ARL15: variants seen among roughly 807,000 people sequenced by gnomAD.
The protein encoded by ARL15 is ADP-ribosylation factor-like protein 15.
A neutral mutation model predicts 25.2 loss-of-function variants in ARL15; 19 were observed. The ratio of observed to expected loss-of-function variants is 0.75; its 90% CI spans 0.53 to 1.10. ARL15 has a LOEUF of 1.10. ARL15 is among the 50% of genes least tolerant of loss of function. ARL15 has a pLI of 0.00. For synonymous variants in ARL15, 94 were observed against 86.8 expected, an observed-to-expected ratio of 1.08 and a Z score of -0.46; for missense variants, 220 against 246.0, an observed-to-expected ratio of 0.89 and a Z score of 0.71.
rs549103875 is a variant in ARL15, at chr5:54,204,037, T to C, written c.49-32109A>G. On this transcript the variant is annotated intron_variant, in intron 1 of 4. Coordinates refer to ENST00000504924, the MANE Select transcript of ARL15 (RefSeq NM_019087.3). ...TTTTTGTTTGTTTTTAATATTATGG[T>C]TCTATAAAATCCAAAAATCTGGAAG... is the stretch of plus-strand genomic sequence containing the variant. Among the ~76,000 whole-genome samples the C allele has an allele frequency of 2.5e-3, 375 of 152,242 alleles. 3 individuals carry two copies. The highest frequency in any genetic ancestry group is 7.7e-3 in the South Asian group (37 of 4,816).
At chr5:54,066,157 G>A (rs1351142619) in intron 4 of ARL15, among the ~76,000 whole-genome samples, 1 of 152,170 alleles carries the variant, frequency 6.6e-6, no homozygotes, top group East Asian at 1.9e-4. Context: ...GGGGAGGAAT[G>A]AATCCACATC....
At chr5:54,180,586 A>G (rs2112427079) in intron 1 of ARL15, among the ~76,000 whole-genome samples, 1 of 152,270 alleles carries the variant, frequency 6.6e-6, no homozygotes, top group East Asian at 1.9e-4. Flanking sequence ...GTTTTTATAG[A>G]AGGTGGGTCA....
intron 4 of ARL15, among the ~76,000 whole-genome samples, chr5:53,902,548 C>T (rs931101495): frequency 2.6e-5 from 4 of 152,272 alleles, no homozygotes; most frequent in Middle Eastern, 3.4e-3. Context: ...AGTAACAAAT[C>T]AAAATGTTAA....
chr5:53,937,707 G>A (rs1289433171), intron 4 of ARL15, among the ~76,000 whole-genome samples: 2 of 152,076 alleles, frequency 1.3e-5, no homozygotes, highest in South Asian at 2.1e-4. Flanking sequence ...ACCTGGGTAT[G>A]TGTAAGTACA....
chr5:54,169,451 C>T (rs1712680363), intron 2 of ARL15, among the ~76,000 whole-genome samples: 1 of 152,168 alleles, frequency 6.6e-6, no homozygotes, highest in African/African-American at 2.4e-5. Context: ...GAACTGGCAT[C>T]CTATCTCTAG....
At chr5:54,186,260 C>T (rs973513344) in intron 1 of ARL15, among the ~76,000 whole-genome samples, 6 of 152,182 alleles carry the variant, frequency 3.9e-5, no homozygotes, top group Admixed American at 2.0e-4. Context: ...GAAGCCAATA[C>T]GGTGAGCAAA....
intron 3 of ARL15, among the ~76,000 whole-genome samples, chr5:54,119,911 C>G (rs906447243): frequency 1.3e-5 from 2 of 152,146 alleles, no homozygotes; most frequent in Non-Finnish European, 2.9e-5. Flanking sequence ...ATCTTCTGGT[C>G]TGTTTCTCTT....
intron 4 of ARL15, among the ~76,000 whole-genome samples, chr5:53,963,740 G>A (rs1747446867): frequency 6.6e-6 from 1 of 151,594 alleles, no homozygotes; most frequent in Non-Finnish European, 1.5e-5. Context: ...CCTGGGAGGT[G>A]GAGGTTGCAA....
chr5:54,203,690 C>A (rs1755781760), intron 1 of ARL15, among the ~76,000 whole-genome samples: 1 of 152,112 alleles, frequency 6.6e-6, no homozygotes, highest in African/African-American at 2.4e-5. Flanking sequence ...TTAATCATGA[C>A]AACATTTTTA....
At chr5:54,171,961 A>G in intron 1 of ARL15, 33 bp from the exon 2 acceptor site, 1 of 1,600,966 alleles carries the variant, frequency 6.2e-7, no homozygotes, top group South Asian at 1.1e-5. Flanking sequence ...ATGTTCCTTT[A>G]AATGACAGTA....
At position 54,023,533 on chromosome 5, in the gene ARL15, GAA is replaced by G. The variant is rs35518622; in HGVS notation, c.462+89667_462+89668del. On this transcript the variant is annotated intron_variant, in intron 4 of 4. Coordinates refer to ENST00000504924, the MANE Select transcript of ARL15 (RefSeq NM_019087.3). The stretch of plus-strand genomic sequence containing the variant: ...GGTGATTACCCAAATCTACACATGT[GAA>G]AAAAAAAAAAGACATGGAACTATAT... Among the ~76,000 whole-genome samples the G allele has an allele frequency of 4.5e-3, 669 of 147,438 alleles. 2 individuals carry two copies. The highest frequency in any genetic ancestry group is 7.5e-3 in the Non-Finnish European group (499 of 66,892).
chr5:54,205,613 G>A (rs1251496108), intron 1 of ARL15, among the ~76,000 whole-genome samples: 1 of 152,144 alleles, frequency 6.6e-6, no homozygotes, highest in Non-Finnish European at 1.5e-5. Flanking sequence ...TATTATGCTA[G>A]AATCCCAACC....
intron 4 of ARL15, among the ~76,000 whole-genome samples, chr5:54,096,171 C>T (rs1291859258): frequency 6.6e-6 from 1 of 152,112 alleles, no homozygotes; most frequent in Non-Finnish European, 1.5e-5. Flanking sequence ...CATGTTAGTT[C>T]ATATTAATTT....
intron 4 of ARL15, among the ~76,000 whole-genome samples, chr5:54,007,756 A>G (rs747578245): frequency 6.6e-6 from 1 of 152,202 alleles, no homozygotes; most frequent in African/African-American, 2.4e-5. Context: ...TTCCTTATAG[A>G]CCTTCTTTTT....
chr5:54,079,965 C>T (rs1041295447), intron 4 of ARL15, among the ~76,000 whole-genome samples: 2 of 100,886 alleles, frequency 2.0e-5, no homozygotes, highest in African/African-American at 4.2e-5. Context: ...AGTGAGACTC[C>T]GTCACACACA....
intron 2 of ARL15, among the ~76,000 whole-genome samples, chr5:54,163,362 T>TTC: frequency 4.3e-5 from 1 of 23,064 alleles, no homozygotes; most frequent in Non-Finnish European, 9.7e-5. Context: ...GAAGCTTTTT[T>TTC]TTTTTTTTTT....
chr5:54,182,469 C>T lies in ARL15; in HGVS notation c.49-10541G>A, dbSNP rs965963128. ...AGATCAGATAGTTGTAGGTATGCGG[C>T]GTTATTTCTGAGGGCTTTGTTCTGT... On this transcript the variant is annotated intron_variant, in intron 1 of 4. Transcript: ENST00000504924. Among the ~76,000 whole-genome samples, 439 of 151,398 alleles carry T rather than the reference C, an allele frequency of 2.9e-3. 3 individuals are homozygous for T. The highest frequency in any genetic ancestry group is 0.01 in the African/African-American group (417 of 41,210).
chr5:54,186,011 T>C (rs115311061), intron 1 of ARL15, among the ~76,000 whole-genome samples: 1 of 152,128 alleles, frequency 6.6e-6, no homozygotes, highest in Non-Finnish European at 1.5e-5. Context: ...GTATGACATA[T>C]AGTGGGACAA....
intron 4 of ARL15, among the ~76,000 whole-genome samples, chr5:54,053,114 G>A (rs1485980091): frequency 6.6e-6 from 1 of 152,154 alleles, no homozygotes; most frequent in Non-Finnish European, 1.5e-5. Context: ...AACCAGGCTT[G>A]ATGGCACACA....
Sources: gnomAD v4.1 joint callset for allele counts (sites outside exome capture counted in the v4.1 genomes callset) on GRCh38, gnomAD v4.1.1 for gene constraint, MANE v1.5 for transcripts, NCBI Gene and HGNC (gene_info 2026-07-23, HGNC 2026-07-21) for gene names.